SV2B: variants seen among roughly 807,000 people sequenced by gnomAD.
SV2B encodes synaptic vesicle glycoprotein 2B, also known as solute carrier family 22 member B2.
SV2B carries 41 observed loss-of-function variants against 73.9 expected under a neutral mutation model. The observed-to-expected ratio is 0.56, with a 90% CI of 0.43 to 0.72. The LOEUF is 0.72. Among genes scored for constraint, SV2B ranks in the 30% least tolerant of loss-of-function variants. The pLI, the probability that SV2B is intolerant of heterozygous loss-of-function variation, is 0.00. For missense variants in SV2B, 764 were observed against 857.8 expected, an observed-to-expected ratio of 0.89 and a Z score of 1.37; for synonymous variants, 314 against 314.2, an observed-to-expected ratio of 1.00 and a Z score of 0.01.
At chr15:91,157,015 A>G (rs2043514152) in intron 1 of SV2B, among the ~76,000 whole-genome samples, 1 of 152,214 alleles carries the variant, frequency 6.6e-6, no homozygotes, top group Non-Finnish European at 1.5e-5. Context: ...CTATAGCTGC[A>G]TTTGACTCCC....
chr15:91,233,068 C>A (rs149291016), intron 2 of SV2B, among the ~76,000 whole-genome samples: 1 of 152,124 alleles, frequency 6.6e-6, no homozygotes, highest in East Asian at 1.9e-4. Context: ...TGTAGTATTC[C>A]ATGGTGTATA....
intron 1 of SV2B, among the ~76,000 whole-genome samples, chr15:91,174,153 C>G (rs183400059): frequency 6.6e-6 from 1 of 152,218 alleles, no homozygotes; most frequent in Non-Finnish European, 1.5e-5. Flanking sequence ...CCTTTAGCAA[C>G]TCCAATTCTG....
At chr15:91,135,086 A>T in intron 1 of SV2B, among the ~76,000 whole-genome samples, 1 of 149,366 alleles carries the variant, frequency 6.7e-6, no homozygotes, top group Non-Finnish European at 1.5e-5. Flanking sequence ...TGCAGCCTAG[A>T]CCTCCCCAGC....
chr15:91,205,902 C>T (rs371374665), intron 1 of SV2B, among the ~76,000 whole-genome samples: 5 of 152,330 alleles, frequency 3.3e-5, no homozygotes, highest in African/African-American at 1.2e-4. Context: ...AGGAGAAAAA[C>T]AGCTGTGTTA....
At chr15:91,195,369 A>G (rs1256713486) in intron 1 of SV2B, among the ~76,000 whole-genome samples, 1 of 152,186 alleles carries the variant, frequency 6.6e-6, no homozygotes, top group African/African-American at 2.4e-5. Context: ...TGTGTTGCCC[A>G]CACTGGTCTT....
chr15:91,103,647 C>G (rs2041799855), intron 1 of SV2B, among the ~76,000 whole-genome samples: 1 of 152,182 alleles, frequency 6.6e-6, no homozygotes, highest in African/African-American at 2.4e-5. Flanking sequence ...CATCACTCAG[C>G]TGTCCTTGGT....
chr15:91,163,226 G>A (rs139346643), intron 1 of SV2B, among the ~76,000 whole-genome samples: 1,743 of 152,260 alleles, frequency 0.011, 25 homozygotes, highest in South Asian at 0.028. Context: ...ATAAACATAC[G>A]TGTGCATGTG....
In SV2B at chr15:91,157,649, A is replaced by G. The variant is rs192342652; in HGVS notation, c.-392+57286A>G. On this transcript the variant is annotated intron_variant, in intron 1 of 12. Coordinates refer to ENST00000394232, the MANE Select transcript of SV2B (RefSeq NM_001323032.3). ...GATGCCATTATCATCCCTGTTTTAGAGAGGGAGGGGAGAACTGAGGCATAG... is the reference window on the plus strand; with the variant it reads ...GATGCCATTATCATCCCTGTTTTAGGGAGGGAGGGGAGAACTGAGGCATAG... 2.0e-5 allele frequency among the ~76,000 whole-genome samples: 3 copies of G among 152,276 alleles called. No individual in the cohort carries two copies. In the East Asian group the frequency reaches 5.8e-4, roughly 29 times the overall value.
intron 1 of SV2B, among the ~76,000 whole-genome samples, chr15:91,127,461 C>G (rs1008291248): frequency 4.6e-5 from 7 of 152,006 alleles, no homozygotes; most frequent in Non-Finnish European, 8.8e-5. Context: ...TCCAAGCCCC[C>G]GCACTGACGG....
chr15:91,289,852 A>G lies in SV2B; in HGVS notation c.1868+172A>G, dbSNP rs908365809. On this transcript the variant is annotated intron_variant, in intron 12 of 12. Transcript: ENST00000394232. This position sits in a 1 kb window ranked among gnomAD's most constrained non-coding sequence, Gnocchi z 4.9. ...CTGCATGGTGGATGGCATAGACCTG[A>G]AAGTTGGCAGGCTAGGGCTTGGATA... Among the ~76,000 whole-genome samples the G allele has an allele frequency of 9.2e-5, 14 of 152,340 alleles. No individual in the cohort carries two copies. Among genetic ancestry groups the G allele is most frequent in the Admixed American group, 9.1e-4 (14 of 15,304 alleles).
intron 1 of SV2B, among the ~76,000 whole-genome samples, chr15:91,155,494 G>T (rs1293233466): frequency 6.6e-6 from 1 of 152,160 alleles, no homozygotes; most frequent in African/African-American, 2.4e-5. Context: ...AGCATTCCTT[G>T]TATAGATTTT....
At chr15:91,133,166 A>G (rs928596105) in intron 1 of SV2B, among the ~76,000 whole-genome samples, 2 of 152,302 alleles carry the variant, frequency 1.3e-5, no homozygotes, top group Non-Finnish European at 2.9e-5. Context: ...ACACCGGTGC[A>G]TTTGTAGGAA....
chr15:91,142,660 C>A (rs1271417941), intron 1 of SV2B, among the ~76,000 whole-genome samples: 1 of 152,190 alleles, frequency 6.6e-6, no homozygotes, highest in African/African-American at 2.4e-5. Context: ...AGTTTTATCC[C>A]AGCTTTCCAA....
chr15:91,266,675 A>G lies in SV2B; in HGVS notation c.1102A>G (p.Lys368Glu). 6.2e-7 allele frequency: 1 copy of G among 1,613,796 alleles called. No homozygotes were observed. Among genetic ancestry groups the G allele is most frequent in the Non-Finnish European group, 8.5e-7 (1 of 1,179,824 alleles). Residue 368 changes from lysine (K) to glutamate (E), a missense_variant, in exon 7 of 13, where the codon AAG becomes GAG. Lys to Glu is a moderately conservative substitution (Grantham distance 56, BLOSUM62 1). Coordinates refer to ENST00000394232, the MANE Select transcript of SV2B (RefSeq NM_001323032.3). ...GTACCAGCGCTGGCTGGTCAGATTC[A>G]AGACCATTTTCAAGCAGGTATGATT... ...TWYQRWLVRF[K>E]TIFKQVWDNA...
At chr15:91,193,731 A>G (rs1162514912) in intron 1 of SV2B, among the ~76,000 whole-genome samples, 1 of 152,230 alleles carries the variant, frequency 6.6e-6, no homozygotes, top group Non-Finnish European at 1.5e-5. Flanking sequence ...TAACATGAGG[A>G]CTAATTTTCA....
intron 6 of SV2B, among the ~76,000 whole-genome samples, chr15:91,263,845 C>T (rs1473551935): frequency 6.6e-6 from 1 of 152,244 alleles, no homozygotes; most frequent in Non-Finnish European, 1.5e-5. Flanking sequence ...CTTTCAGTCT[C>T]TCCACCTCCT....
In SV2B at chr15:91,289,621, C is replaced by G. The variant is rs761030916; in HGVS notation, c.1809C>G (p.Ser603Arg). 22 of 1,614,066 alleles carry G rather than the reference C, an allele frequency of 1.4e-5. No homozygotes were observed. Among genetic ancestry groups the G allele is most frequent in the Middle Eastern group, 1.7e-4 (1 of 6,056 alleles). ...GGCAGTGCCTGTTCTGTGGGACAAG[C>G]ATTGCAGCCTGGAATGCTCTGGATG... is the stretch of plus-strand genomic sequence containing the variant. ...IGWQCLFCGTSIAAWNALDVI... is the reference protein window; with the variant it reads ...IGWQCLFCGTRIAAWNALDVI... Residue 603 changes from serine (S) to arginine (R), a missense_variant, in exon 12 of 13, where the codon AGC (serine) becomes AGG (arginine). Ser to Arg is a moderately radical substitution (Grantham distance 110, BLOSUM62 -1). Coordinates refer to ENST00000394232, the MANE Select transcript of SV2B (RefSeq NM_001323032.3). The surrounding 1 kb of genome is among the most constrained non-coding windows in gnomAD (Gnocchi z 4.9).
chr15:91,219,124 C>T (rs1161151272), intron 1 of SV2B, among the ~76,000 whole-genome samples: 2 of 151,890 alleles, frequency 1.3e-5, no homozygotes, highest in South Asian at 2.1e-4. Flanking sequence ...AATTTTTGTA[C>T]GATTTTCAGA....
chr15:91,263,080 A>G (rs17595167), intron 6 of SV2B, among the ~76,000 whole-genome samples: 36,428 of 148,804 alleles, frequency 0.24, 4,703 homozygotes, highest in African/African-American at 0.37. Context: ...ACACAAGCAC[A>G]TCCACAAAGA....
Sources: allele counts gnomAD v4.1 joint callset (sites outside exome capture counted in the v4.1 genomes callset), GRCh38; gene constraint gnomAD v4.1.1; non-coding constraint Gnocchi (gnomAD v3.1); transcripts MANE v1.5; gene names NCBI Gene and HGNC (gene_info 2026-07-23, HGNC 2026-07-21).